The following FSTL4 variants were observed in gnomAD, a reference collection of about 807,000 sequenced individuals.
FSTL4 encodes the protein follistatin-related protein 4.
In FSTL4, 28 loss-of-function variants were observed where a neutral mutation model predicts 78.2. The ratio of observed to expected loss-of-function variants is 0.36; its 90% CI spans 0.27 to 0.49. The LOEUF (loss-of-function observed/expected upper bound fraction) is 0.49, where lower values mean the gene tolerates loss of function less well. FSTL4 is among the 20% of genes least tolerant of loss of function. The pLI is 0.98. For missense variants in FSTL4, 922 were observed against 1,084.9 expected (o/e 0.85, Z 2.11); for synonymous variants, 422 against 440.5 (o/e 0.96, Z 0.53).
the FSTL4 span, among the ~76,000 whole-genome samples, chr5:133,618,563 T>G: frequency 6.6e-6 from 1 of 152,232 alleles, no homozygotes; most frequent in Non-Finnish European, 1.5e-5. Context: ...ATCACTACCA[T>G]CCAACCAGCA....
At chr5:133,417,293 A>G (rs72805048) in intron 3 of FSTL4, among the ~76,000 whole-genome samples, 27,261 of 151,970 alleles carry the variant, frequency 0.18, 2,464 homozygotes, top group Non-Finnish European at 0.21. Flanking sequence ...CAATGAATTC[A>G]AAGACAGGTC....
the FSTL4 span, among the ~76,000 whole-genome samples, chr5:133,769,706 A>T: frequency 3.9e-4 from 59 of 152,340 alleles, 1 homozygote; most frequent in African/African-American, 1.3e-3. Flanking sequence ...AATTCTTTTT[A>T]AAAAATCTTT....
chr5:133,512,335 A>G (rs914871039), intron 3 of FSTL4, among the ~76,000 whole-genome samples: 8 of 152,236 alleles, frequency 5.3e-5, no homozygotes, highest in Admixed American at 5.2e-4. Flanking sequence ...AAGACCCTCA[A>G]TAGGTGCTGC....
At chr5:133,766,978 G>A in the FSTL4 span, among the ~76,000 whole-genome samples, 1 of 152,246 alleles carries the variant, frequency 6.6e-6, no homozygotes. Flanking sequence ...AAGACAGGTG[G>A]AACCAGGAGA....
chr5:133,679,458 T>A, the FSTL4 span, among the ~76,000 whole-genome samples: 37,889 of 151,892 alleles, frequency 0.25, 4,877 homozygotes, highest in Admixed American at 0.33. Flanking sequence ...CCCTCAAGCA[T>A]CTGAGGACTC....
chr5:133,384,653 C>T (rs191280315), intron 4 of FSTL4, among the ~76,000 whole-genome samples: 1 of 152,302 alleles, frequency 6.6e-6, no homozygotes, highest in Non-Finnish European at 1.5e-5. Context: ...CTCGATGCCT[C>T]CTGCTGGGCC....
At chr5:133,403,557 G>T (rs1469289029) in intron 3 of FSTL4, among the ~76,000 whole-genome samples, 2 of 152,212 alleles carry the variant, frequency 1.3e-5, no homozygotes, top group East Asian at 3.8e-4. Flanking sequence ...CTAATTCAGT[G>T]CAGTTAAGAA....
intron 4 of FSTL4, among the ~76,000 whole-genome samples, chr5:133,375,064 G>A (rs1755396702): frequency 6.6e-6 from 1 of 151,760 alleles, no homozygotes; most frequent in African/African-American, 2.4e-5. Context: ...CTAGAAATCA[G>A]TAGGTGGTAT....
chr5:133,514,625 A>C (rs1419461677), intron 3 of FSTL4, among the ~76,000 whole-genome samples: 1 of 152,246 alleles, frequency 6.6e-6, no homozygotes, highest in Non-Finnish European at 1.5e-5. Context: ...TAAAGACTGA[A>C]GCATAGATTA....
At chr5:133,771,384 A>G in the FSTL4 span, among the ~76,000 whole-genome samples, 2 of 151,996 alleles carry the variant, frequency 1.3e-5, no homozygotes, top group African/African-American at 4.8e-5. Context: ...AGTCTTGTAC[A>G]ATTTCTTTAA....
intron 3 of FSTL4, among the ~76,000 whole-genome samples, chr5:133,420,680 A>T (rs1050343373): frequency 1.3e-5 from 2 of 152,174 alleles, no homozygotes; most frequent in African/African-American, 4.8e-5. Flanking sequence ...GGAGCTGCTC[A>T]AACTGCAGAG....
chr5:133,599,477 C>G (rs1027014042), intron 2 of FSTL4, among the ~76,000 whole-genome samples: 2 of 152,166 alleles, frequency 1.3e-5, no homozygotes, highest in African/African-American at 4.8e-5. Context: ...ATACTGAAAA[C>G]CCATGGTGTC....
At chr5:133,797,980 AAC>A in the FSTL4 span, among the ~76,000 whole-genome samples, 26 of 151,140 alleles carry the variant, frequency 1.7e-4, no homozygotes, top group Admixed American at 2.6e-4. Context: ...CACCCCCACA[AAC>A]ACACACACAC....
intron 7 of FSTL4, among the ~76,000 whole-genome samples, chr5:133,243,210 G>A (rs1435146357): frequency 6.6e-6 from 1 of 151,344 alleles, no homozygotes. Context: ...GCCGACATTA[G>A]AAAGCCCCAA....
intron 3 of FSTL4, among the ~76,000 whole-genome samples, chr5:133,481,236 T>C (rs937381863): frequency 2.6e-5 from 4 of 152,170 alleles, no homozygotes; most frequent in African/African-American, 9.7e-5. Context: ...CTGAGACTGA[T>C]CATTCAAGAG....
chr5:133,359,677 T>C (rs371667457), intron 4 of FSTL4, among the ~76,000 whole-genome samples: 2 of 152,242 alleles, frequency 1.3e-5, no homozygotes, highest in South Asian at 4.1e-4. Flanking sequence ...GGCAGTAATA[T>C]TAGTGTCTTG....
At chr5:133,653,097 C>G in the FSTL4 span, among the ~76,000 whole-genome samples, 1 of 152,164 alleles carries the variant, frequency 6.6e-6, no homozygotes, top group Non-Finnish European at 1.5e-5. Context: ...CACCTACATG[C>G]ACATACACAT....
chr5:133,249,335 T>C, intron 7 of FSTL4, 75 bp downstream of exon 7: 7 of 1,148,788 alleles, frequency 6.1e-6, no homozygotes, highest in South Asian at 3.8e-5. Context: ...GTCCTGCCAC[T>C]GTCTGTGGCA....
the FSTL4 span, among the ~76,000 whole-genome samples, chr5:133,701,658 C>A: frequency 3.3e-3 from 505 of 152,212 alleles, 1 homozygote; most frequent in Non-Finnish European, 5.6e-3. Context: ...TGATTGGTAC[C>A]TTTTGATATT....
Sources: allele counts gnomAD v4.1 joint callset (sites outside exome capture counted in the v4.1 genomes callset), GRCh38; gene constraint gnomAD v4.1.1; transcripts MANE v1.5; gene names NCBI Gene and HGNC (gene_info 2026-07-23, HGNC 2026-07-21).